Variants in IMMP2L observed in about 807,000 individuals in gnomAD.
IMMP2L encodes the protein inner mitochondrial membrane peptidase subunit 2, also known as mitochondrial inner membrane protease subunit 2.
In IMMP2L, 18 loss-of-function variants were observed where a neutral mutation model predicts 19.3. The ratio of observed to expected loss-of-function variants is 0.93; its 90% confidence interval spans 0.64 to 1.38. The LOEUF is 1.38. Ranked by LOEUF, IMMP2L falls within the 40% of genes most tolerant of loss-of-function variation. IMMP2L has a pLI of 0.00. For missense variants in IMMP2L, 233 were observed against 218.2 expected, an observed-to-expected ratio of 1.07 and a Z score of -0.43; for synonymous variants, 76 against 73.0, an observed-to-expected ratio of 1.04 and a Z score of -0.21.
At chr7:111,154,885 C>T (rs906203265) in intron 3 of IMMP2L, among the ~76,000 whole-genome samples, 5 of 152,008 alleles carry the variant, frequency 3.3e-5, no homozygotes, top group African/African-American at 4.8e-5. Flanking sequence ...AGCCTCCCAA[C>T]TAGCTGGGAC....
At chr7:110,715,699 G>T (rs1230542470) in intron 5 of IMMP2L, among the ~76,000 whole-genome samples, 1 of 151,988 alleles carries the variant, frequency 6.6e-6, no homozygotes, top group Admixed American at 6.6e-5. Flanking sequence ...GAGCATGTTC[G>T]GGGTGTAGAT....
At position 111,029,025 on chromosome 7, in the gene IMMP2L, G is replaced by A. The variant is rs138339935; in HGVS notation, c.240-65460C>T. Among the ~76,000 whole-genome samples the A allele has an allele frequency of 2.4e-3, 367 of 152,196 alleles. 3 individuals carry two copies. Among genetic ancestry groups the A allele is most frequent in the African/African-American group, 8.4e-3 (351 of 41,560 alleles). ...TAAAATATCTATTAGCCTTCTAAAA[G>A]AATACTGCTTTAAAAATATTGCAGA... On this transcript the variant is annotated intron_variant, in intron 3 of 5. Coordinates refer to ENST00000405709, the MANE Select transcript of IMMP2L (RefSeq NM_032549.4).
chr7:110,802,566 T>C (rs935470378), intron 5 of IMMP2L, among the ~76,000 whole-genome samples: 1 of 152,070 alleles, frequency 6.6e-6, no homozygotes, highest in African/African-American at 2.4e-5. Flanking sequence ...AGCATTCAAA[T>C]ATTGAGAAAT....
At chr7:110,866,390 G>A (rs997262476) in intron 5 of IMMP2L, among the ~76,000 whole-genome samples, 3 of 151,642 alleles carry the variant, frequency 2.0e-5, no homozygotes, top group African/African-American at 7.3e-5. Flanking sequence ...GAGGGAAGAG[G>A]CAAGCAGAAG....
intron 4 of IMMP2L, among the ~76,000 whole-genome samples, chr7:110,898,801 G>C (rs1585185663): frequency 6.7e-6 from 1 of 148,262 alleles, no homozygotes; most frequent in East Asian, 2.0e-4. Context: ...TCTTTTTCCT[G>C]AGTTTGTTTT....
intron 2 of IMMP2L, among the ~76,000 whole-genome samples, chr7:111,502,882 T>C (rs1223651229): frequency 3.3e-5 from 5 of 149,276 alleles, no homozygotes; most frequent in Admixed American, 6.7e-5. Context: ...AGATCCAAAA[T>C]TGACACCCTA....
rs1396493486 is a variant in IMMP2L, at chr7:111,111,956, T to G, written c.240-148391A>C. 8.3e-3 allele frequency among the ~76,000 whole-genome samples: 1,134 copies of G among 135,872 alleles called. 24 individuals are homozygous for G. The highest frequency in any genetic ancestry group is 0.029 in the African/African-American group (1,043 of 36,368). 89.1% of individuals were successfully genotyped at this position (135,872 alleles called of 152,430 possible). A position where few individuals can be genotyped will look rare whatever the true frequency, so the allele number is the denominator to read the frequency against. ...ATATATAGTTTGTTTTTTTTTTTTT[T>G]TTTTTTTTTGAGATGGAGTCTTGCT... On this transcript the variant is annotated intron_variant, in intron 3 of 5. Transcript: ENST00000405709.
chr7:111,429,119 C>G (rs1433192728), intron 3 of IMMP2L, among the ~76,000 whole-genome samples: 1 of 151,580 alleles, frequency 6.6e-6, no homozygotes, highest in African/African-American at 2.4e-5. Context: ...CTTTTTTCTT[C>G]TTTCATTAAG....
intron 4 of IMMP2L, among the ~76,000 whole-genome samples, chr7:110,959,260 T>C (rs769870828): frequency 2.6e-5 from 4 of 151,924 alleles, no homozygotes; most frequent in Non-Finnish European, 5.9e-5. Flanking sequence ...CCTAATAATA[T>C]CCAGTAATAT....
chr7:111,446,286 T>C (rs1838400240), intron 3 of IMMP2L, among the ~76,000 whole-genome samples: 8 of 149,804 alleles, frequency 5.3e-5, no homozygotes. Context: ...AGCAGTAACC[T>C]CTGCAGACTT....
chr7:111,400,242 G>T (rs545509896), intron 3 of IMMP2L, among the ~76,000 whole-genome samples: 1 of 152,120 alleles, frequency 6.6e-6, no homozygotes, highest in East Asian at 1.9e-4. Context: ...TTAAATAAAT[G>T]AATGAGTACA....
At chr7:110,887,591 CAA>C (rs11341899) in intron 4 of IMMP2L, among the ~76,000 whole-genome samples, 11,025 of 141,752 alleles carry the variant, frequency 0.078, 590 homozygotes, top group African/African-American at 0.15. Flanking sequence ...CTTTTTATAG[CAA>C]AAAAAAAAAA....
intron 3 of IMMP2L, among the ~76,000 whole-genome samples, chr7:111,287,678 A>T (rs1455802031): frequency 6.6e-6 from 1 of 152,156 alleles, no homozygotes; most frequent in Non-Finnish European, 1.5e-5. Context: ...AAACTGCCAT[A>T]CATTCTGATT....
intron 3 of IMMP2L, among the ~76,000 whole-genome samples, chr7:111,178,974 T>C (rs1268653840): frequency 1.3e-5 from 2 of 152,122 alleles, no homozygotes; most frequent in South Asian, 2.1e-4. Flanking sequence ...AGGTTTTCAA[T>C]TTACTTTTCC....
intron 3 of IMMP2L, among the ~76,000 whole-genome samples, chr7:111,205,595 G>C (rs954069976): frequency 6.6e-6 from 1 of 150,836 alleles, no homozygotes; most frequent in African/African-American, 2.4e-5. Flanking sequence ...TTGAATTCAA[G>C]AATTAAATTT....
At chr7:110,744,385 G>A (rs1192795826) in intron 5 of IMMP2L, among the ~76,000 whole-genome samples, 1 of 152,210 alleles carries the variant, frequency 6.6e-6, no homozygotes, top group Non-Finnish European at 1.5e-5. Context: ...CCAGCACAGC[G>A]TTTGAGCTCT....
At chr7:110,805,662 C>A (rs1801583812) in intron 5 of IMMP2L, among the ~76,000 whole-genome samples, 1 of 151,924 alleles carries the variant, frequency 6.6e-6, no homozygotes, top group Non-Finnish European at 1.5e-5. Flanking sequence ...AATATAAACT[C>A]TCAGGCCTAT....
intron 3 of IMMP2L, among the ~76,000 whole-genome samples, chr7:111,046,757 T>C (rs1163883366): frequency 6.6e-6 from 1 of 152,182 alleles, no homozygotes. Context: ...GAACAAGGGA[T>C]GAAATGATAA....
chr7:111,086,729 C>T (rs980739592), intron 3 of IMMP2L, among the ~76,000 whole-genome samples: 1 of 152,162 alleles, frequency 6.6e-6, no homozygotes, highest in African/African-American at 2.4e-5. Context: ...ATCAGTGACT[C>T]ATTCATATGT....
Sources: gnomAD v4.1 joint callset for allele counts (sites outside exome capture counted in the v4.1 genomes callset) on GRCh38, gnomAD v4.1.1 for gene constraint, MANE v1.5 for transcripts, NCBI Gene and HGNC (gene_info 2026-07-23, HGNC 2026-07-21) for gene names.